Variants in ANKHD1 observed in about 807,000 individuals in gnomAD.
The protein encoded by ANKHD1 is ankyrin repeat and KH domain-containing protein 1.
In ANKHD1, 31 loss-of-function variants were observed where a neutral mutation model predicts 230.5. The ratio of observed to expected loss-of-function variants is 0.13; its 90% CI spans 0.10 to 0.18. The LOEUF (loss-of-function observed/expected upper bound fraction) is 0.18, where lower values mean the gene tolerates loss of function less well. Ranked by LOEUF, ANKHD1 falls within the 10% of genes least tolerant of loss-of-function variation. ANKHD1 has a pLI of 1.00. For synonymous variants in ANKHD1, 1,074 were observed against 1,117.6 expected, an observed-to-expected ratio of 0.96 and a Z score of 0.78; for missense variants, 2,256 against 3,071.3, an observed-to-expected ratio of 0.73 and a Z score of 6.27.
At chr5:140,488,675 C>T (rs1751619459) in intron 14 of ANKHD1, among the ~76,000 whole-genome samples, 1 of 151,782 alleles carries the variant, frequency 6.6e-6, no homozygotes, top group African/African-American at 2.4e-5. Context: ...TTAAGCAAGT[C>T]AATCACTTGA....
intron 13 of ANKHD1, chr5:140,486,715 G>A (rs1751518754): frequency 3.5e-6 from 1 of 285,068 alleles, no homozygotes. Flanking sequence ...GTTCTATTCA[G>A]CAAGGGAGTA....
Position 140,485,539 on chromosome 5 carries a change from A to G in ANKHD1, c.1999-50A>G. 1 of 1,602,874 alleles carries G rather than the reference A, an allele frequency of 6.2e-7. No homozygotes were observed. The highest frequency in any genetic ancestry group is 8.5e-7 in the Non-Finnish European group (1 of 1,175,692). ...TTTAAATGAGTTTTGATTTTATATG[A>G]GCTGCTAAGAAACTATAAAGAATTA... On this transcript the variant is annotated intron_variant, in intron 12 of 33. Transcript: ENST00000360839. This position sits in a 1 kb window ranked among gnomAD's most constrained non-coding sequence, Gnocchi z 4.8.
chr5:140,424,919 C>T (rs1486862699), intron 1 of ANKHD1, among the ~76,000 whole-genome samples: 1 of 152,078 alleles, frequency 6.6e-6, no homozygotes, highest in African/African-American at 2.4e-5. Flanking sequence ...GATCTTGGGC[C>T]AGTCACTTAA....
Position 140,528,794 on chromosome 5 carries a change from A to G in ANKHD1, c.5848A>G (p.Thr1950Ala). Reference protein sequence around the residue: ...VVAASQQLCVTNTRTPSSVRK... With the variant: ...VVAASQQLCVANTRTPSSVRK... ...TGCTGCCAGTCAGCAACTGTGTGTC[A>G]CTAATACCCGGACTCCTTCATCAGT... is the stretch of plus-strand genomic sequence containing the variant. Residue 1950 changes from threonine (T) to alanine (A), a missense_variant, in exon 29 of 34, where the codon ACT becomes GCT. Around this residue, in one of 13 missense-constraint regions of ANKHD1, gnomAD observed 778 missense variants for 966.5 expected, o/e 0.80. Coordinates refer to ENST00000360839, the MANE Select transcript of ANKHD1 (RefSeq NM_017747.3). 3.7e-6 allele frequency: 6 copies of G among 1,614,108 alleles called. No homozygotes were observed. The highest frequency in any genetic ancestry group is 5.1e-6 in the Non-Finnish European group (6 of 1,180,034).
At chr5:140,464,518 A>G in intron 9 of ANKHD1, 149 bp from the exon 10 acceptor site, 1 of 591,592 alleles carries the variant, frequency 1.7e-6, no homozygotes, top group East Asian at 3.4e-5. Flanking sequence ...TTATTTTTAT[A>G]AAGCATATTT....
chr5:140,516,662 A>G (rs563330720), intron 24 of ANKHD1, among the ~76,000 whole-genome samples: 9 of 152,320 alleles, frequency 5.9e-5, no homozygotes, highest in South Asian at 4.1e-4. Flanking sequence ...AGAATTTTCA[A>G]CCCAGAATTT....
chr5:140,436,175 A>G lies in ANKHD1; in HGVS notation c.378A>G (p.Leu126=), dbSNP rs747512074. 6 of 1,611,008 alleles carry G rather than the reference A, an allele frequency of 3.7e-6. No homozygotes were observed. Among genetic ancestry groups the G allele is most frequent in the Non-Finnish European group, 5.1e-6 (6 of 1,178,628 alleles). ...PVLKTTSEIF[L]SSTAEGADLR... Reference sequence around the variant, plus strand: ...TTAAAACAACATCAGAGATATTCTTATCAAGTACTGCAGAAGGAGCAGACT... The same window carrying G: ...TTAAAACAACATCAGAGATATTCTTGTCAAGTACTGCAGAAGGAGCAGACT... The change falls in exon 2 of 34, where the codon TTA becomes TTG. Residue 126 remains leucine (L), a synonymous_variant. Transcript: ENST00000360839.
intron 1 of ANKHD1, among the ~76,000 whole-genome samples, chr5:140,414,463 C>T (rs1258785671): frequency 6.6e-6 from 1 of 152,066 alleles, no homozygotes; most frequent in Non-Finnish European, 1.5e-5. Flanking sequence ...TGTTAAGCAT[C>T]TTTTCATATG....
chr5:140,519,172 T>G (rs1561823109), intron 24 of ANKHD1, among the ~76,000 whole-genome samples: 1 of 152,132 alleles, frequency 6.6e-6, no homozygotes, highest in Non-Finnish European at 1.5e-5. Flanking sequence ...TGAACTCCCA[T>G]TCACAATTGC....
intron 15 of ANKHD1, among the ~76,000 whole-genome samples, chr5:140,501,375 C>G (rs151053156): frequency 6.6e-6 from 1 of 151,910 alleles, no homozygotes; most frequent in Admixed American, 6.6e-5. Flanking sequence ...ACCACGCCAA[C>G]CATAGGTTTT....
chr5:140,448,968 TACTTA>T (rs1211427263), intron 6 of ANKHD1, among the ~76,000 whole-genome samples: 1 of 152,218 alleles, frequency 6.6e-6, no homozygotes, highest in African/African-American at 2.4e-5. Context: ...ATTATTGCTT[TACTTA>T]ACTTGAATTA....
chr5:140,520,791 GA>G (rs1205087080), intron 24 of ANKHD1, among the ~76,000 whole-genome samples: 1 of 120,532 alleles, frequency 8.3e-6, no homozygotes, highest in Non-Finnish European at 1.7e-5. Context: ...GGGTGGGGGG[GA>G]GGGGGGAGGG....
chr5:140,524,517 G>A (rs1396260357), intron 25 of ANKHD1, among the ~76,000 whole-genome samples: 1 of 152,186 alleles, frequency 6.6e-6, no homozygotes, highest in African/African-American at 2.4e-5. Flanking sequence ...AATACAGTGA[G>A]AAGTTTGCCA....
In ANKHD1 at chr5:140,459,297, T is replaced by C; in HGVS notation, c.1614T>C (p.Pro538=). 1 of 1,594,380 alleles carries C rather than the reference T, an allele frequency of 6.3e-7. No individual in the cohort carries two copies. Among genetic ancestry groups the C allele is most frequent in the Non-Finnish European group, 8.6e-7 (1 of 1,166,540 alleles). ...GADIELGCST[P]LMEASQEGHL... Reference sequence around the variant, plus strand: ...ATATAGAACTTGGCTGCTCCACACCTCTGATGGAGGCATCTCAGGAGGGAC... The same window carrying C: ...ATATAGAACTTGGCTGCTCCACACCCCTGATGGAGGCATCTCAGGAGGGAC... Residue 538 remains proline, a synonymous_variant, in exon 9 of 34, where the codon CCT becomes CCC. Coordinates refer to ENST00000360839, the MANE Select transcript of ANKHD1 (RefSeq NM_017747.3).
In ANKHD1 at chr5:140,438,453, C is replaced by T; in HGVS notation, c.461-8C>T. On this transcript the variant is annotated splice_region_variant and splice_polypyrimidine_tract_variant and intron_variant, in intron 2 of 33. Coordinates refer to ENST00000360839, the MANE Select transcript of ANKHD1 (RefSeq NM_017747.3). ...CTGCACTACCTGATTGATTGATGCA[C>T]ACTGAAGGAATTGGCAAATTGTCAA... 4 of 1,596,986 alleles carry T rather than the reference C, an allele frequency of 2.5e-6. No individual in the cohort carries two copies. In the South Asian group the frequency reaches 4.5e-5, roughly 18 times the overall value.
intron 10 of ANKHD1, among the ~76,000 whole-genome samples, chr5:140,473,675 GAAGT>G (rs925685762): frequency 6.6e-5 from 10 of 152,180 alleles, no homozygotes; most frequent in Admixed American, 1.3e-4. Flanking sequence ...ATTCTACTTT[GAAGT>G]AAGTAAGTTT....
intron 1 of ANKHD1, among the ~76,000 whole-genome samples, chr5:140,430,596 G>A (rs542892093): frequency 6.7e-6 from 1 of 150,204 alleles, no homozygotes; most frequent in Non-Finnish European, 1.5e-5. Context: ...TATACAGAAT[G>A]TATACAGAAT....
At chr5:140,460,676 A>G (rs1775638581) in intron 9 of ANKHD1, among the ~76,000 whole-genome samples, 1 of 152,038 alleles carries the variant, frequency 6.6e-6, no homozygotes, top group African/African-American at 2.4e-5. Context: ...GCATACCACT[A>G]TGCCTGGCTA....
chr5:140,453,236 A>G lies in ANKHD1; in HGVS notation c.1242+3931A>G, dbSNP rs577193476. Among the ~76,000 whole-genome samples, 8 of 152,340 alleles carry G rather than the reference A, an allele frequency of 5.3e-5. No individual in the cohort carries two copies. The South Asian group carries it at 6.2e-4, about 12-fold the overall frequency. On this transcript the variant is annotated intron_variant, in intron 7 of 33. Transcript: ENST00000360839. ...TGTGAAAAGACCAAATCTACGTCTGATTGGTGTACCTGAAAGTGACGGGGA... is the reference window on the plus strand; with the variant it reads ...TGTGAAAAGACCAAATCTACGTCTGGTTGGTGTACCTGAAAGTGACGGGGA...
Sources: allele counts gnomAD v4.1 joint callset (sites outside exome capture counted in the v4.1 genomes callset), GRCh38; gene constraint gnomAD v4.1.1; regional missense constraint gnomAD v4.1.1; non-coding constraint Gnocchi (gnomAD v3.1); transcripts MANE v1.5; gene names NCBI Gene and HGNC (gene_info 2026-07-23, HGNC 2026-07-21).